Variants in ERO1A observed in about 807,000 individuals in gnomAD.
ERO1A encodes the protein ERO1-like protein alpha.
ERO1A carries 49 observed loss-of-function variants against 76.9 expected under a neutral mutation model. The observed-to-expected ratio is 0.64, with a 90% CI of 0.51 to 0.81. The LOEUF is 0.81. ERO1A is among the 30% of genes least tolerant of loss of function. The pLI is 0.00. For missense variants in ERO1A, 448 were observed against 542.1 expected (o/e 0.83, Z 1.72); for synonymous variants, 174 against 181.2 (o/e 0.96, Z 0.32).
chr14:52,671,990 G>A, intron 4 of ERO1A, 119 bp from the exon 5 acceptor site: 1 of 753,872 alleles, frequency 1.3e-6, no homozygotes, highest in Non-Finnish European at 2.1e-6. Context: ...TGTTCTTATT[G>A]CTTTTAATTT....
intron 11 of ERO1A, among the ~76,000 whole-genome samples, chr14:52,656,970 G>A (rs1292100345): frequency 6.6e-6 from 1 of 152,106 alleles, no homozygotes; most frequent in Non-Finnish European, 1.5e-5. Context: ...GTAGGACTTG[G>A]CTCAGGAGGT....
intron 4 of ERO1A, among the ~76,000 whole-genome samples, chr14:52,677,125 A>G (rs1435586104): frequency 6.6e-6 from 1 of 152,080 alleles, no homozygotes; most frequent in East Asian, 1.9e-4. Context: ...AGGATTTTAA[A>G]CAGAGAAGAC....
intron 6 of ERO1A, among the ~76,000 whole-genome samples, chr14:52,668,452 G>T (rs2040486355): frequency 6.6e-6 from 1 of 152,020 alleles, no homozygotes; most frequent in Admixed American, 6.6e-5. Flanking sequence ...GGCTGAGGCA[G>T]GAGAATCGCT....
intron 6 of ERO1A, among the ~76,000 whole-genome samples, chr14:52,671,316 T>C (rs1307490729): frequency 6.6e-6 from 1 of 152,250 alleles, no homozygotes; most frequent in Admixed American, 6.5e-5. Context: ...TTTGAGTCCC[T>C]GTCTTTAATT....
chr14:52,648,503 T>C (rs941314444), intron 13 of ERO1A, among the ~76,000 whole-genome samples: 2 of 152,192 alleles, frequency 1.3e-5, no homozygotes, highest in Non-Finnish European at 2.9e-5. Context: ...CTCACATATA[T>C]GCACTATAAA....
At chr14:52,658,695 T>A (rs2040131464) in intron 9 of ERO1A, among the ~76,000 whole-genome samples, 1 of 152,216 alleles carries the variant, frequency 6.6e-6, no homozygotes, top group Admixed American at 6.5e-5. Flanking sequence ...ATTGTCAATA[T>A]ATTTAATGCC....
chr14:52,663,303 A>T (rs2040287983), intron 8 of ERO1A, among the ~76,000 whole-genome samples: 3 of 152,092 alleles, frequency 2.0e-5, no homozygotes, highest in Admixed American at 2.0e-4. Context: ...CTTCATTATA[A>T]AAATACTTTT....
At chr14:52,653,947 T>C (rs953907662) in intron 11 of ERO1A, among the ~76,000 whole-genome samples, 1 of 152,068 alleles carries the variant, frequency 6.6e-6, no homozygotes, top group Non-Finnish European at 1.5e-5. Context: ...AGACCTTAGG[T>C]GCAAGAAAAT....
At chr14:52,658,315 G>C (rs1394610213) in intron 9 of ERO1A, 165 bp from the exon 10 acceptor site, 1 of 581,298 alleles carries the variant, frequency 1.7e-6, no homozygotes, top group Non-Finnish European at 3.1e-6. Flanking sequence ...GAAGAAGAAA[G>C]GTTATGGATT....
chr14:52,641,144 G>A lies in ERO1A; in HGVS notation c.*2426C>T, dbSNP rs1220100100. 6.6e-6 allele frequency: 1 copy of A among 152,140 alleles called. No individual in the cohort carries two copies. Among genetic ancestry groups the A allele is most frequent in the African/African-American group, 2.4e-5 (1 of 41,422 alleles). The allele number at this position is 152,140 out of a possible 1,614,324, so 9.4% of individuals were successfully genotyped here. ...CAAAAATGTCAAATACAGAAAAAAA[G>A]TCAAGTACTAGCTTGTGAATTAAAC... On this transcript the variant is annotated 3_prime_UTR_variant, in exon 16 of 16. Coordinates refer to ENST00000395686, the MANE Select transcript of ERO1A (RefSeq NM_014584.3).
At position 52,653,270 on chromosome 14, in the gene ERO1A, T is replaced by C. The variant is rs771654338; in HGVS notation, c.854A>G (p.Gln285Arg). 5.0e-6 allele frequency: 8 copies of C among 1,612,554 alleles called. No homozygotes were observed. The highest frequency in any genetic ancestry group is 6.8e-6 in the Non-Finnish European group (8 of 1,179,012). Residue 285 changes from glutamine to arginine, a missense_variant, in exon 12 of 16, where the codon CAA becomes CGA. Gln to Arg is a conservative substitution (Grantham distance 43). This residue lies in a region of ERO1A where 302 missense variants were observed against 411.9 expected (regional missense o/e 0.73). Transcript: ENST00000395686. ...AGTCAAAATTCCATCAAATCGCTGT[T>C]GAAATTCTGTAATGTTGTGTCCCCA... ...KKWGHNITEF[Q>R]QRFDGILTEG...
rs186841056 is a variant in ERO1A, at chr14:52,678,220, C to T, written c.357+214G>A. 2.3e-5 allele frequency: 8 copies of T among 353,292 alleles called. No individual in the cohort carries two copies. In the South Asian group the frequency reaches 4.5e-4, roughly 20 times the overall value. 21.9% of individuals were successfully genotyped at this position (353,292 alleles called of 1,614,324 possible). ...CGGAGGTTGCAGTGAGCCAAGATCACGCCACTGCTCCATCTCAAAAAAATA... is the reference window on the plus strand; with the variant it reads ...CGGAGGTTGCAGTGAGCCAAGATCATGCCACTGCTCCATCTCAAAAAAATA... On this transcript the variant is annotated intron_variant, in intron 4 of 15. Transcript: ENST00000395686.
At chr14:52,674,396 AC>A (rs1486429096) in intron 4 of ERO1A, among the ~76,000 whole-genome samples, 2 of 152,106 alleles carry the variant, frequency 1.3e-5, no homozygotes, top group Non-Finnish European at 2.9e-5. Context: ...ATGGGGTCTC[AC>A]AATGTTGCCC....
intron 6 of ERO1A, among the ~76,000 whole-genome samples, chr14:52,667,491 G>A (rs928783606): frequency 1.3e-5 from 2 of 152,192 alleles, no homozygotes; most frequent in African/African-American, 4.8e-5. Flanking sequence ...AGGCCTGGGG[G>A]CAGACTGCTT....
In ERO1A at chr14:52,643,563, G is replaced by C. The variant is rs1294013562; in HGVS notation, c.*7C>G. 1.4e-6 allele frequency: 2 copies of C among 1,476,858 alleles called. No individual in the cohort carries two copies. Among genetic ancestry groups the C allele is most frequent in the Admixed American group, 5.7e-5 (2 of 35,294 alleles). 91.5% of individuals were successfully genotyped at this position (1,476,858 alleles called of 1,614,324 possible). On this transcript the variant is annotated 3_prime_UTR_variant, in exon 16 of 16. Coordinates refer to ENST00000395686, the MANE Select transcript of ERO1A (RefSeq NM_014584.3). ...TCCAGAAACAGGCACATATCAGCTT[G>C]TTTTCTTTAATGAATATTCTGTAAC...
At chr14:52,682,226 T>A in intron 3 of ERO1A, 99 bp downstream of exon 3, 1 of 907,260 alleles carries the variant, frequency 1.1e-6, no homozygotes, top group Non-Finnish European at 1.7e-6. Context: ...AAACCTCATC[T>A]CTATTTTTTC....
At chr14:52,679,939 A>C (rs1284612435) in intron 3 of ERO1A, among the ~76,000 whole-genome samples, 1 of 152,016 alleles carries the variant, frequency 6.6e-6, no homozygotes, top group Admixed American at 6.6e-5. Context: ...GTCCGCCTGT[A>C]GTCCCAGGTA....
chr14:52,646,018 A>G, intron 15 of ERO1A, 136 bp downstream of exon 15: 1 of 1,003,824 alleles, frequency 1.0e-6, no homozygotes. Flanking sequence ...CCTGGGCTAC[A>G]GACCAAAACT....
At chr14:52,668,799 C>A (rs1304904101) in intron 6 of ERO1A, among the ~76,000 whole-genome samples, 2 of 147,828 alleles carry the variant, frequency 1.4e-5, no homozygotes, top group African/African-American at 4.9e-5. Context: ...TATAATTATA[C>A]AATTATATTT....
Sources: gnomAD v4.1 joint callset for allele counts (sites outside exome capture counted in the v4.1 genomes callset) on GRCh38, gnomAD v4.1.1 for gene constraint, gnomAD v4.1.1 regional missense constraint, MANE v1.5 for transcripts, NCBI Gene and HGNC (gene_info 2026-07-23, HGNC 2026-07-21) for gene names.